Variants in CCSER1 observed in about 807,000 individuals in gnomAD.
The protein encoded by CCSER1 is serine-rich coiled-coil domain-containing protein 1.
A neutral mutation model predicts 82.0 loss-of-function variants in CCSER1; 41 were observed. The observed-to-expected ratio is 0.50, with a 90% CI of 0.39 to 0.65. The LOEUF is 0.65. CCSER1 is among the 30% of genes least tolerant of loss of function. The pLI is 0.00. For missense variants in CCSER1, 1,119 were observed against 1,064.2 expected (o/e 1.05, Z -0.72); for synonymous variants, 414 against 383.9 (o/e 1.08, Z -0.92).
rs539157247 is a variant in CCSER1 at position 90,674,016 on chromosome 4, T to C, written c.1932+45784T>C. Among the ~76,000 whole-genome samples, 21 of 152,104 alleles carry C rather than the reference T, an allele frequency of 1.4e-4. 1 individual carries two copies. In the South Asian group the frequency reaches 2.3e-3, roughly 17 times the overall value. Reference sequence around the variant, plus strand: ...CACAGAAGCTGGGAGATATGGATGCTAACTCTCTTGATGTTGACATTTCAA... The same window carrying C: ...CACAGAAGCTGGGAGATATGGATGCCAACTCTCTTGATGTTGACATTTCAA... On this transcript the variant is annotated intron_variant, in intron 6 of 10. Transcript: ENST00000509176.
intron 8 of CCSER1, among the ~76,000 whole-genome samples, chr4:90,876,582 C>T (rs960928198): frequency 2.0e-5 from 3 of 152,098 alleles, no homozygotes; most frequent in Non-Finnish European, 4.4e-5. Context: ...CAACATCTAA[C>T]TAATCATCAT....
At chr4:91,044,896 G>C (rs1742311508) in intron 9 of CCSER1, among the ~76,000 whole-genome samples, 1 of 152,126 alleles carries the variant, frequency 6.6e-6, no homozygotes, top group Non-Finnish European at 1.5e-5. Context: ...CTTTATTAAA[G>C]AGTTCAACAT....
chr4:91,517,871 T>G (rs141447355), intron 10 of CCSER1, among the ~76,000 whole-genome samples: 4 of 152,012 alleles, frequency 2.6e-5, no homozygotes, highest in African/African-American at 9.7e-5. Flanking sequence ...AGACCTTTAT[T>G]TGTAGCTGAA....
intron 5 of CCSER1, among the ~76,000 whole-genome samples, chr4:90,481,050 T>A (rs887703971): frequency 3.3e-5 from 5 of 152,214 alleles, no homozygotes; most frequent in Non-Finnish European, 7.3e-5. Context: ...CTCTTTTATT[T>A]CCTTGAGCAG....
At chr4:90,647,154 C>A (rs1316936216) in intron 6 of CCSER1, among the ~76,000 whole-genome samples, 1 of 152,146 alleles carries the variant, frequency 6.6e-6, no homozygotes, top group Non-Finnish European at 1.5e-5. Flanking sequence ...GAATTTTTAA[C>A]ACCACCATTT....
At chr4:91,167,250 G>A (rs546107588) in intron 10 of CCSER1, among the ~76,000 whole-genome samples, 28 of 145,212 alleles carry the variant, frequency 1.9e-4, no homozygotes, top group Admixed American at 7.7e-4. Context: ...GCATTGGCGC[G>A]ATCTCGGCTC....
intron 10 of CCSER1, among the ~76,000 whole-genome samples, chr4:91,271,088 T>C (rs913684949): frequency 5.3e-5 from 8 of 151,978 alleles, no homozygotes; most frequent in African/African-American, 1.9e-4. Context: ...TATTGTTGTT[T>C]TAATTCATTG....
At chr4:90,913,314 AG>A (rs1726731279) in intron 8 of CCSER1, among the ~76,000 whole-genome samples, 1 of 152,238 alleles carries the variant, frequency 6.6e-6, no homozygotes, top group South Asian at 2.1e-4. Flanking sequence ...TCTGCAAGCC[AG>A]AAGAGAGAGG....
intron 6 of CCSER1, among the ~76,000 whole-genome samples, chr4:90,665,321 T>A (rs990917408): frequency 8.3e-6 from 1 of 120,062 alleles, no homozygotes; most frequent in Non-Finnish European, 1.8e-5. Context: ...ATGCTGAGAT[T>A]TTTTTTTCTT....
At chr4:91,376,144 T>C (rs1250180439) in intron 10 of CCSER1, among the ~76,000 whole-genome samples, 1 of 152,134 alleles carries the variant, frequency 6.6e-6, no homozygotes, top group African/African-American at 2.4e-5. Flanking sequence ...TAAATAAGTA[T>C]AAGATAAACA....
At chr4:90,139,717 C>T (rs948491482) in intron 1 of CCSER1, among the ~76,000 whole-genome samples, 5 of 152,108 alleles carry the variant, frequency 3.3e-5, no homozygotes, top group Admixed American at 6.6e-5. Context: ...CTTTGGAAGG[C>T]GGATGCGGGC....
At chr4:90,716,990 C>T (rs1437543136) in intron 6 of CCSER1, among the ~76,000 whole-genome samples, 2 of 152,168 alleles carry the variant, frequency 1.3e-5, no homozygotes, top group East Asian at 1.9e-4. Context: ...GTTGGATTTG[C>T]TCCTAAGGAT....
intron 10 of CCSER1, among the ~76,000 whole-genome samples, chr4:91,482,041 CAG>C (rs1226473148): frequency 6.6e-6 from 1 of 151,828 alleles, no homozygotes; most frequent in Non-Finnish European, 1.5e-5. Context: ...CACTGGCGAT[CAG>C]AGAGATGCAA....
At chr4:91,459,960 T>C (rs962674212) in intron 10 of CCSER1, among the ~76,000 whole-genome samples, 2 of 152,130 alleles carry the variant, frequency 1.3e-5, no homozygotes, top group Admixed American at 6.5e-5. Flanking sequence ...GCCTAAGAGA[T>C]AGAAATATCA....
chr4:90,809,169 A>AC (rs397774421), intron 7 of CCSER1, among the ~76,000 whole-genome samples: 51,046 of 151,400 alleles, frequency 0.34, 8,706 homozygotes, highest in African/African-American at 0.41. Context: ...ACACACACAC[A>AC]ATTAGCTAGG....
chr4:90,316,746 A>G (rs1203835665), intron 3 of CCSER1, among the ~76,000 whole-genome samples: 1 of 152,118 alleles, frequency 6.6e-6, no homozygotes, highest in Non-Finnish European at 1.5e-5. Context: ...ATATTACCTG[A>G]TGGATTAGAT....
chr4:90,831,775 T>G (rs79623946), intron 8 of CCSER1, among the ~76,000 whole-genome samples: 25,533 of 152,142 alleles, frequency 0.17, 2,603 homozygotes, highest in South Asian at 0.27. Context: ...TAAAATTTAG[T>G]TTAGACTATA....
chr4:91,193,941 C>T (rs565472294), intron 10 of CCSER1, among the ~76,000 whole-genome samples: 23 of 152,124 alleles, frequency 1.5e-4, no homozygotes, highest in Non-Finnish European at 3.1e-4. Flanking sequence ...CAAGAACCCA[C>T]ATATATGATT....
At chr4:90,575,323 A>G (rs1161204342) in intron 5 of CCSER1, among the ~76,000 whole-genome samples, 3 of 152,210 alleles carry the variant, frequency 2.0e-5, no homozygotes, top group Admixed American at 6.5e-5. Flanking sequence ...GTGGAAAGGC[A>G]TAAGAGTGTG....
Sources: gnomAD v4.1 joint callset for allele counts (sites outside exome capture counted in the v4.1 genomes callset) on GRCh38, gnomAD v4.1.1 for gene constraint, MANE v1.5 for transcripts, NCBI Gene and HGNC (gene_info 2026-07-23, HGNC 2026-07-21) for gene names.